Variants in PCDHA11 observed in about 807,000 individuals in gnomAD.
PCDHA11 encodes protocadherin alpha-11.
Under a neutral mutation model 70.3 loss-of-function variants are expected in PCDHA11, and 61 were observed. That is an observed-to-expected ratio of 0.87 (90% CI 0.71 to 1.07). The LOEUF (loss-of-function observed/expected upper bound fraction) is 1.07. PCDHA11 is among the 50% of genes least tolerant of loss of function. The pLI is 0.00. For synonymous variants in PCDHA11, 633 were observed against 555.1 expected (o/e 1.14, Z -1.97); for missense variants, 1,324 against 1,237.5 (o/e 1.07, Z -1.05).
chr5:140,978,526 A>G (rs1197468187), intron 1 of PCDHA11, among the ~76,000 whole-genome samples: 5 of 152,248 alleles, frequency 3.3e-5, no homozygotes, highest in Admixed American at 2.0e-4. Flanking sequence ...CAGCCAGGCC[A>G]GCAGAACTTG....
At chr5:140,900,954 A>T (rs942765998) in intron 1 of PCDHA11, among the ~76,000 whole-genome samples, 3 of 152,204 alleles carry the variant, frequency 2.0e-5, no homozygotes, top group Non-Finnish European at 2.9e-5. Context: ...TTCTCTGATT[A>T]TCAGTGATGT....
chr5:140,971,557 T>A (rs1483701815), intron 1 of PCDHA11, among the ~76,000 whole-genome samples: 5 of 152,150 alleles, frequency 3.3e-5, no homozygotes, highest in Non-Finnish European at 7.4e-5. Context: ...CCTGTTAAAT[T>A]CCCATGTTGG....
At chr5:140,877,571 T>C in intron 1 of PCDHA11, 1 of 1,613,760 alleles carries the variant, frequency 6.2e-7, no homozygotes, top group African/African-American at 1.3e-5. Context: ...AACGTGTACC[T>C]CATCATCGCC....
In PCDHA11 at chr5:140,987,224, A is replaced by AAT. The variant is rs1554248891; in HGVS notation, c.2539+4662_2539+4663insTA. Among the ~76,000 whole-genome samples, 91 of 152,046 alleles carry AAT rather than the reference A, an allele frequency of 6.0e-4. 1 individual carries two copies. Among genetic ancestry groups the AAT allele is most frequent in the African/African-American group, 2.0e-3 (84 of 41,424 alleles). ...GTGAGACTCCATCTCAAAAAAAAAA[A>AAT]AAATAATAAATAAAGAAAGAAAGAC... On this transcript the variant is annotated intron_variant, in intron 3 of 3. Coordinates refer to ENST00000398640, the MANE Select transcript of PCDHA11 (RefSeq NM_018902.5).
At chr5:140,877,189 G>T (rs370743077) in intron 1 of PCDHA11, 3 of 1,613,808 alleles carry the variant, frequency 1.9e-6, no homozygotes, top group Admixed American at 1.7e-5. Context: ...GGCTGGCAGC[G>T]CAGGAGGCGC....
chr5:140,997,814 T>C (rs2097786801), intron 3 of PCDHA11, among the ~76,000 whole-genome samples: 1 of 152,212 alleles, frequency 6.6e-6, no homozygotes, highest in Admixed American at 6.5e-5. Context: ...GCTGTTGGTA[T>C]CTATGTTTTC....
chr5:140,967,040 C>G, intron 1 of PCDHA11: 1 of 1,611,752 alleles, frequency 6.2e-7, no homozygotes, highest in South Asian at 1.1e-5. Flanking sequence ...CTACCTGGAG[C>G]TGGACCTGAC....
At chr5:140,949,603 A>G (rs1218724530) in intron 1 of PCDHA11, among the ~76,000 whole-genome samples, 3 of 151,662 alleles carry the variant, frequency 2.0e-5, no homozygotes, top group Non-Finnish European at 4.4e-5. Flanking sequence ...TGGCCATTCT[A>G]GTCTCATGTT....
chr5:140,986,834 C>T (rs2097214742), intron 3 of PCDHA11, among the ~76,000 whole-genome samples: 1 of 152,104 alleles, frequency 6.6e-6, no homozygotes. Context: ...CAATGGTTCT[C>T]AAAGGGGCAG....
intron 1 of PCDHA11, among the ~76,000 whole-genome samples, chr5:140,957,475 A>G (rs2095362490): frequency 6.6e-6 from 1 of 152,192 alleles, no homozygotes; most frequent in Non-Finnish European, 1.5e-5. Flanking sequence ...ATGTATAGGA[A>G]AAAACATAGT....
chr5:140,919,038 C>A (rs2078983263), intron 1 of PCDHA11, among the ~76,000 whole-genome samples: 1 of 152,046 alleles, frequency 6.6e-6, no homozygotes, highest in Non-Finnish European at 1.5e-5. Context: ...TAGTTGTTGT[C>A]CATTATTGGA....
intron 3 of PCDHA11, among the ~76,000 whole-genome samples, chr5:141,008,840 T>C (rs2098392722): frequency 6.6e-6 from 1 of 152,188 alleles, no homozygotes; most frequent in African/African-American, 2.4e-5. Context: ...CCTCTTACGC[T>C]GTGTATTCCC....
chr5:140,899,846 C>T (rs1554188760), intron 1 of PCDHA11, among the ~76,000 whole-genome samples: 1 of 152,142 alleles, frequency 6.6e-6, no homozygotes, highest in African/African-American at 2.4e-5. Flanking sequence ...CTTGCTGTGT[C>T]ACCCAGGCTG....
At chr5:140,954,968 G>T (rs531304394) in intron 1 of PCDHA11, among the ~76,000 whole-genome samples, 4 of 152,200 alleles carry the variant, frequency 2.6e-5, no homozygotes, top group African/African-American at 9.6e-5. Context: ...TAAGGAAAGG[G>T]TCCAGTTTCA....
chr5:140,986,198 C>T (rs782730684), intron 3 of PCDHA11, among the ~76,000 whole-genome samples: 1 of 152,200 alleles, frequency 6.6e-6, no homozygotes, highest in African/African-American at 2.4e-5. Flanking sequence ...ATTGGTTAAT[C>T]CTGATTACTG....
intron 1 of PCDHA11, among the ~76,000 whole-genome samples, chr5:140,976,934 C>T (rs995021593): frequency 1.3e-5 from 2 of 152,170 alleles, no homozygotes; most frequent in African/African-American, 2.4e-5. Context: ...TGTGTAGCTA[C>T]TTAAAACATA....
At chr5:140,914,426 A>T (rs1554196349) in intron 1 of PCDHA11, among the ~76,000 whole-genome samples, 1 of 152,140 alleles carries the variant, frequency 6.6e-6, no homozygotes. Context: ...TTAGCAAGGA[A>T]TATCTTTTCC....
Position 140,871,256 on chromosome 5 carries a change from C to T in PCDHA11, c.2153C>T (p.Thr718Met), listed in dbSNP as rs781990448. ...SLLVLTLLLY[T>M]ALWWSATPTE... ...CTGGTACTCACGCTGCTGCTGTATA[C>T]GGCGCTGTGGTGGTCGGCAACGCCC... Residue 718 changes from threonine to methionine, a missense_variant, in exon 1 of 4, where the codon ACG (threonine) becomes ATG (methionine). Physicochemically the swap from Thr to Met is moderately conservative, Grantham distance 81. Coordinates refer to ENST00000398640, the MANE Select transcript of PCDHA11 (RefSeq NM_018902.5). The T allele has an allele frequency of 4.3e-6, 7 of 1,613,866 alleles. No individual in the cohort carries two copies. Among genetic ancestry groups the T allele is most frequent in the East Asian group, 2.2e-5 (1 of 44,888 alleles).
chr5:140,960,316 G>A (rs1360755627), intron 1 of PCDHA11, among the ~76,000 whole-genome samples: 1 of 152,066 alleles, frequency 6.6e-6, no homozygotes, highest in African/African-American at 2.4e-5. Flanking sequence ...ACCTCATTAG[G>A]GTCCTGTGAG....
Sources: gnomAD v4.1 joint callset for allele counts (sites outside exome capture counted in the v4.1 genomes callset) on GRCh38, gnomAD v4.1.1 for gene constraint, MANE v1.5 for transcripts, NCBI Gene and HGNC (gene_info 2026-07-23, HGNC 2026-07-21) for gene names.